Variants in TMPRSS15 observed in about 807,000 individuals in gnomAD.
The protein encoded by TMPRSS15 is transmembrane serine protease 15, also known as enteropeptidase.
Under a neutral mutation model 125.3 loss-of-function variants are expected in TMPRSS15, and 128 were observed. The ratio of observed to expected loss-of-function variants is 1.02; its 90% CI spans 0.89 to 1.18. The LOEUF (loss-of-function observed/expected upper bound fraction) is 1.18. Ranked by LOEUF, TMPRSS15 falls within the 50% of genes most tolerant of loss-of-function variation. The pLI is 0.00. For synonymous variants in TMPRSS15, 446 were observed against 423.2 expected (o/e 1.05, Z -0.66); for missense variants, 1,283 against 1,212.7 (o/e 1.06, Z -0.86).
At chr21:18,457,781 TC>T (rs1978470765) in intron 1 of TMPRSS15, among the ~76,000 whole-genome samples, 1 of 152,150 alleles carries the variant, frequency 6.6e-6, no homozygotes, top group African/African-American at 2.4e-5. Context: ...GGTGACGATT[TC>T]TAAAAACCAC....
chr21:18,454,676 G>A (rs8132179), intron 1 of TMPRSS15, among the ~76,000 whole-genome samples: 6,760 of 152,126 alleles, frequency 0.044, 504 homozygotes, highest in African/African-American at 0.15. Context: ...AAGCTCCAAC[G>A]TCCAAGAGCA....
At chr21:18,282,451 G>C (rs2074712730) in intron 21 of TMPRSS15, among the ~76,000 whole-genome samples, 2 of 152,062 alleles carry the variant, frequency 1.3e-5, no homozygotes, top group Admixed American at 1.3e-4. Flanking sequence ...CGTTTAATGT[G>C]GTATTTAAAT....
chr21:18,408,568 A>G (rs2076158216), upstream of TMPRSS15, among the ~76,000 whole-genome samples: 1 of 152,088 alleles, frequency 6.6e-6, no homozygotes, highest in Non-Finnish European at 1.5e-5. Flanking sequence ...GCTTTTCTCC[A>G]AGACTGGTAA....
chr21:18,335,514 T>C (rs887716288), intron 13 of TMPRSS15, among the ~76,000 whole-genome samples: 9 of 152,304 alleles, frequency 5.9e-5, no homozygotes, highest in African/African-American at 2.2e-4. Context: ...GTTAAGCCTG[T>C]CAAGGCAGGC....
chr21:18,395,238 C>T (rs2076024085), intron 3 of TMPRSS15, among the ~76,000 whole-genome samples: 1 of 152,132 alleles, frequency 6.6e-6, no homozygotes, highest in African/African-American at 2.4e-5. Flanking sequence ...ATATGTGACT[C>T]TTTAGCCTTA....
At chr21:18,298,318 A>G (rs1310530967) in intron 18 of TMPRSS15, among the ~76,000 whole-genome samples, 3 of 152,178 alleles carry the variant, frequency 2.0e-5, no homozygotes, top group African/African-American at 7.2e-5. Context: ...GACTATCTTC[A>G]GTGTTTAATT....
intron 5 of TMPRSS15, 128 bp from the exon 6 acceptor site, chr21:18,372,452 A>C (rs746129366): frequency 3.7e-6 from 3 of 811,326 alleles, no homozygotes; most frequent in Non-Finnish European, 5.8e-6. Context: ...AGGAATATTT[A>C]TTTCATTTGC....
intron 16 of TMPRSS15, among the ~76,000 whole-genome samples, chr21:18,316,493 G>C (rs187773788): frequency 6.7e-6 from 1 of 149,022 alleles, no homozygotes; most frequent in Admixed American, 6.7e-5. Flanking sequence ...AGGCAGGAAA[G>C]GGTAGTTACA....
At chr21:18,294,952 A>G (rs2074884736) in intron 19 of TMPRSS15, among the ~76,000 whole-genome samples, 1 of 152,208 alleles carries the variant, frequency 6.6e-6, no homozygotes, top group Admixed American at 6.5e-5. Context: ...TGTTGTGAGA[A>G]TAAAAAGCAA....
At chr21:18,350,254 G>A (rs946169157) in intron 10 of TMPRSS15, among the ~76,000 whole-genome samples, 3 of 152,120 alleles carry the variant, frequency 2.0e-5, no homozygotes, top group African/African-American at 7.2e-5. Context: ...GATTAATTAT[G>A]TATGAGAGTA....
intron 1 of TMPRSS15, among the ~76,000 whole-genome samples, chr21:18,401,693 C>A (rs1051181325): frequency 6.6e-6 from 1 of 152,048 alleles, no homozygotes; most frequent in East Asian, 1.9e-4. Flanking sequence ...GCAATATACC[C>A]AGGTAACAAG....
At chr21:18,373,612 A>G (rs1258564983) in intron 5 of TMPRSS15, among the ~76,000 whole-genome samples, 1 of 152,214 alleles carries the variant, frequency 6.6e-6, no homozygotes, top group Non-Finnish European at 1.5e-5. Context: ...AAAGCACTAT[A>G]CTTAAAACTG....
intron 10 of TMPRSS15, among the ~76,000 whole-genome samples, chr21:18,348,545 T>C (rs775032042): frequency 1.2e-4 from 19 of 152,210 alleles, no homozygotes; most frequent in Non-Finnish European, 2.4e-4. Flanking sequence ...CTTAAACTGA[T>C]GCATGGCCTA....
intron 4 of TMPRSS15, among the ~76,000 whole-genome samples, chr21:18,382,189 T>C (rs1888410): frequency 0.27 from 40,397 of 152,040 alleles, 5,508 homozygotes; most frequent in Middle Eastern, 0.3. Context: ...ATCTGTGTTT[T>C]GGTCTTCTCC....
Position 18,419,965 on chromosome 21 carries a change from A to G in TMPRSS15, c.11-21636T>C, listed in dbSNP as rs191376794. Among the ~76,000 whole-genome samples, 370 of 152,328 alleles carry G rather than the reference A, an allele frequency of 2.4e-3. 4 individuals are homozygous for G. The highest frequency in any genetic ancestry group is 8.1e-3 in the African/African-American group (337 of 41,574). The stretch of plus-strand genomic sequence containing the variant: ...ACAGCTAATCAACAACGGACACACA[A>G]TGTGAACAAGAAATTGACATTTGTT... On this transcript the variant is annotated intron_variant, in intron 1 of 7. Transcript: ENST00000422787.
intron 18 of TMPRSS15, among the ~76,000 whole-genome samples, chr21:18,307,766 C>G (rs1273590619): frequency 6.6e-6 from 1 of 152,108 alleles, no homozygotes; most frequent in Non-Finnish European, 1.5e-5. Flanking sequence ...ATTTTGCTAT[C>G]AGCCAACTAA....
At chr21:18,473,934 A>C (rs1175908567) in intron 1 of TMPRSS15, among the ~76,000 whole-genome samples, 1 of 152,118 alleles carries the variant, frequency 6.6e-6, no homozygotes, top group East Asian at 1.9e-4. Flanking sequence ...CTAGTTTGCC[A>C]TCAAGGGTTT....
rs1483638086 is a variant in TMPRSS15 at position 18,383,708 on chromosome 21, C to G, written c.415G>C (p.Glu139Gln). The G allele has an allele frequency of 6.2e-7, 1 of 1,613,872 alleles. No homozygotes were observed. The highest frequency in any genetic ancestry group is 1.7e-5 in the Admixed American group (1 of 59,978). Residue 139 changes from glutamate (E) to glutamine (Q), a missense_variant, in exon 4 of 25, where the codon GAA (glutamate) becomes CAA (glutamine). Physicochemically the swap from Glu to Gln is conservative, Grantham distance 29. Transcript: ENST00000284885. Reference sequence around the variant, plus strand: ...TTTGCTTCAAGGCCTTGAATCAGTTCTTCTTTTACATTTTCATCTGACACC... The same window carrying G: ...TTTGCTTCAAGGCCTTGAATCAGTTGTTCTTTTACATTTTCATCTGACACC... ...QWVSDENVKE[E>Q]LIQGLEANKS...
intron 1 of TMPRSS15, among the ~76,000 whole-genome samples, chr21:18,409,152 AGT>A (rs1309507279): frequency 3.3e-5 from 5 of 151,644 alleles, no homozygotes; most frequent in Non-Finnish European, 7.4e-5. Flanking sequence ...TTTTTTTAAT[AGT>A]GTGTTTTTTT....
Sources: gnomAD v4.1 joint callset for allele counts (sites outside exome capture counted in the v4.1 genomes callset) on GRCh38, gnomAD v4.1.1 for gene constraint, MANE v1.5 for transcripts, NCBI Gene and HGNC (gene_info 2026-07-23, HGNC 2026-07-21) for gene names.